Variants in MACROD2 observed in about 807,000 individuals in gnomAD.
MACROD2 encodes the protein ADP-ribose glycohydrolase MACROD2.
In MACROD2, 36 loss-of-function variants were observed where a neutral mutation model predicts 70.4. The ratio of observed to expected loss-of-function variants is 0.51; its 90% CI spans 0.39 to 0.68. The LOEUF (loss-of-function observed/expected upper bound fraction) is 0.68. Among genes scored for constraint, MACROD2 ranks in the 30% least tolerant of loss-of-function variants. The pLI, the probability that MACROD2 is intolerant of heterozygous loss-of-function variation, is 0.00. For synonymous variants in MACROD2, 172 were observed against 178.8 expected (o/e 0.96, Z 0.30); for missense variants, 496 against 538.4 (o/e 0.92, Z 0.78).
At position 14,691,660 on chromosome 20, in the gene MACROD2, T is replaced by C. The variant is rs547894712; in HGVS notation, c.418+6701T>C. On this transcript the variant is annotated intron_variant, in intron 5 of 17. Transcript: ENST00000684519. Reference sequence around the variant, plus strand: ...GGTAATTCATAAGATGGTTCTGAGTTAGTCCTTTGCAAAGGGTGACCTGAT... The same window carrying C: ...GGTAATTCATAAGATGGTTCTGAGTCAGTCCTTTGCAAAGGGTGACCTGAT... 3.3e-5 allele frequency among the ~76,000 whole-genome samples: 5 copies of C among 152,284 alleles called. No individual in the cohort carries two copies. In the East Asian group the frequency reaches 9.7e-4, roughly 29 times the overall value.
Position 15,796,204 on chromosome 20 carries a change from T to C in MACROD2, c.646-66541T>C, listed in dbSNP as rs145059888. Reference sequence around the variant, plus strand: ...ACATACACTGCCTTATCTGAGCCATTTTCCATAGTGGTGTTAACTATAAGA... The same window carrying C: ...ACATACACTGCCTTATCTGAGCCATCTTCCATAGTGGTGTTAACTATAAGA... On this transcript the variant is annotated intron_variant, in intron 8 of 17. Coordinates refer to ENST00000684519, the MANE Select transcript of MACROD2 (RefSeq NM_001351661.2). Among the ~76,000 whole-genome samples the C allele has an allele frequency of 3.3e-5, 5 of 152,304 alleles. No homozygotes were observed. In the East Asian group the frequency reaches 9.6e-4, roughly 29 times the overall value.
At chr20:15,636,323 G>A (rs2049368784) in intron 8 of MACROD2, among the ~76,000 whole-genome samples, 1 of 152,146 alleles carries the variant, frequency 6.6e-6, no homozygotes, top group African/African-American at 2.4e-5. Flanking sequence ...GTGCACCCTT[G>A]AGACTGGAAT....
At chr20:15,460,153 CACTCT>C (rs2046787944) in intron 7 of MACROD2, among the ~76,000 whole-genome samples, 1 of 152,168 alleles carries the variant, frequency 6.6e-6, no homozygotes, top group Non-Finnish European at 1.5e-5. Context: ...TGTTTTCAGC[CACTCT>C]ACTCCCGTTT....
In MACROD2 at chr20:16,050,583, T is replaced by C. The variant is rs1407106583; in HGVS notation, c.*707T>C. The C allele has an allele frequency of 6.6e-6, 1 of 152,312 alleles. No homozygotes were observed. The highest frequency in any genetic ancestry group is 1.5e-5 in the Non-Finnish European group (1 of 68,138). The allele number at this position is 152,312 out of a possible 1,614,324, so 9.4% of individuals were successfully genotyped here. A position where few individuals can be genotyped will look rare whatever the true frequency, so the allele number is the denominator to read the frequency against. On this transcript the variant is annotated 3_prime_UTR_variant, in exon 18 of 18. Coordinates refer to ENST00000684519, the MANE Select transcript of MACROD2 (RefSeq NM_001351661.2). The stretch of plus-strand genomic sequence containing the variant: ...ACCATGGTGGCAGGTGCATCCTTCT[T>C]TGACACTGACTTTCAGCAGAGCTTA...
intron 8 of MACROD2, among the ~76,000 whole-genome samples, chr20:15,546,059 C>T (rs1012769350): frequency 7.2e-5 from 11 of 152,142 alleles, no homozygotes; most frequent in Admixed American, 1.3e-4. Context: ...AAGACCAGCC[C>T]GACCAACATG....
At chr20:15,314,293 A>C (rs1210658785) in intron 6 of MACROD2, among the ~76,000 whole-genome samples, 1 of 152,132 alleles carries the variant, frequency 6.6e-6, no homozygotes, top group African/African-American at 2.4e-5. Context: ...AAAAAAAGGC[A>C]ACTTTAAAAA....
intron 6 of MACROD2, among the ~76,000 whole-genome samples, chr20:15,236,867 A>C (rs932528720): frequency 1.3e-5 from 2 of 152,200 alleles, no homozygotes; most frequent in African/African-American, 4.8e-5. Context: ...GGTAGTCTAA[A>C]TCTAGTGGCC....
intron 12 of MACROD2, among the ~76,000 whole-genome samples, chr20:15,951,915 T>A (rs6080048): frequency 0.095 from 14,535 of 152,246 alleles, 868 homozygotes; most frequent in East Asian, 0.25. Flanking sequence ...CTAAACGTGT[T>A]ATGTGATATG....
intron 5 of MACROD2, among the ~76,000 whole-genome samples, chr20:14,754,618 T>G (rs1321326642): frequency 6.6e-6 from 1 of 152,102 alleles, no homozygotes; most frequent in Non-Finnish European, 1.5e-5. Context: ...AAATGGTGTG[T>G]AACCCTTTAA....
intron 5 of MACROD2, among the ~76,000 whole-genome samples, chr20:15,046,891 G>A (rs2075398816): frequency 6.6e-6 from 1 of 152,122 alleles, no homozygotes; most frequent in Non-Finnish European, 1.5e-5. Context: ...ATTAATCTGG[G>A]CTGTTGGTCC....
At chr20:15,916,160 C>G (rs952914575) in intron 10 of MACROD2, among the ~76,000 whole-genome samples, 2 of 152,106 alleles carry the variant, frequency 1.3e-5, no homozygotes, top group Non-Finnish European at 2.9e-5. Flanking sequence ...TCATATACCC[C>G]CTACCCCACC....
At chr20:14,309,409 A>G (rs2082547206) in intron 3 of MACROD2, among the ~76,000 whole-genome samples, 1 of 152,110 alleles carries the variant, frequency 6.6e-6, no homozygotes, top group African/African-American at 2.4e-5. Context: ...TAATCTCACC[A>G]CTCAGAAGTA....
intron 8 of MACROD2, among the ~76,000 whole-genome samples, chr20:15,682,133 G>A (rs1185260965): frequency 1.3e-5 from 2 of 152,138 alleles, no homozygotes; most frequent in African/African-American, 4.8e-5. Flanking sequence ...AGGTCCTTGA[G>A]CCATTTCCAA....
Position 14,629,915 on chromosome 20 carries a change from CAG to C in MACROD2, c.302-54925_302-54924del, listed in dbSNP as rs1006356901. 1.3e-3 allele frequency among the ~76,000 whole-genome samples: 198 copies of C among 152,216 alleles called. 2 individuals are homozygous for C. The highest frequency in any genetic ancestry group is 4.3e-3 in the African/African-American group (180 of 41,544). ...TAAAGAGAAATATACACAAAGCAGT[CAG>C]AGCATTAGCTAACTCAGATCCTATT... is the stretch of plus-strand genomic sequence containing the variant. On this transcript the variant is annotated intron_variant, in intron 4 of 17. Coordinates refer to ENST00000684519, the MANE Select transcript of MACROD2 (RefSeq NM_001351661.2).
chr20:15,709,971 C>T (rs1004419146), intron 8 of MACROD2, among the ~76,000 whole-genome samples: 1 of 152,130 alleles, frequency 6.6e-6, no homozygotes, highest in African/African-American at 2.4e-5. Context: ...CTAGTAACCA[C>T]TGTTCTACTC....
chr20:15,562,312 T>A (rs922276626), intron 8 of MACROD2, among the ~76,000 whole-genome samples: 6 of 152,146 alleles, frequency 3.9e-5, no homozygotes, highest in African/African-American at 1.4e-4. Context: ...GGCCTTCATA[T>A]AAGTATGTGA....
At chr20:14,788,534 C>T (rs1049218446) in intron 5 of MACROD2, among the ~76,000 whole-genome samples, 8 of 143,702 alleles carry the variant, frequency 5.6e-5, no homozygotes, top group East Asian at 2.1e-4. Flanking sequence ...TGCAGTGAGC[C>T]GAGATGTAGC....
intron 5 of MACROD2, among the ~76,000 whole-genome samples, chr20:14,912,606 G>A (rs2074041349): frequency 6.6e-6 from 1 of 152,102 alleles, no homozygotes; most frequent in South Asian, 2.1e-4. Flanking sequence ...AGTAATCATT[G>A]GAGGTGAATT....
At chr20:14,421,934 T>G (rs956606265) in intron 3 of MACROD2, among the ~76,000 whole-genome samples, 2 of 152,158 alleles carry the variant, frequency 1.3e-5, no homozygotes, top group Admixed American at 6.5e-5. Context: ...TTTGTTCAAA[T>G]TTAGTATTTT....
Sources: allele counts gnomAD v4.1 joint callset (sites outside exome capture counted in the v4.1 genomes callset), GRCh38; gene constraint gnomAD v4.1.1; transcripts MANE v1.5; gene names NCBI Gene and HGNC (gene_info 2026-07-23, HGNC 2026-07-21).